SPAG16: variants seen among roughly 807,000 people sequenced by gnomAD.
The protein encoded by SPAG16 is sperm associated antigen 16, also known as sperm-associated antigen 16 protein.
In SPAG16, 86 loss-of-function variants were observed where a neutral mutation model predicts 80.4. The observed-to-expected ratio is 1.07, with a 90% confidence interval of 0.90 to 1.28. The LOEUF (loss-of-function observed/expected upper bound fraction) is 1.28. Ranked by LOEUF, SPAG16 falls within the 50% of genes most tolerant of loss-of-function variation. SPAG16 has a pLI of 0.00. For synonymous variants in SPAG16, 294 were observed against 265.9 expected (o/e 1.11, Z -1.03); for missense variants, 870 against 765.3 (o/e 1.14, Z -1.61).
intron 15 of SPAG16, among the ~76,000 whole-genome samples, chr2:214,175,296 TAA>T (rs1162258735): frequency 4.3e-5 from 3 of 69,034 alleles, no homozygotes; most frequent in Non-Finnish European, 1.4e-4. Flanking sequence ...TGTATATATA[TAA>T]AGAAATATAT....
At chr2:213,636,857 G>A (rs2062382204) in intron 10 of SPAG16, among the ~76,000 whole-genome samples, 2 of 152,160 alleles carry the variant, frequency 1.3e-5, no homozygotes, top group South Asian at 4.1e-4. Context: ...CTTTTTGGAT[G>A]AGTGTTTAGG....
chr2:214,013,033 T>A (rs1262831557), intron 12 of SPAG16, among the ~76,000 whole-genome samples: 6 of 152,078 alleles, frequency 3.9e-5, no homozygotes, highest in African/African-American at 9.7e-5. Flanking sequence ...GGGTAAAAAA[T>A]TTTAAAAACC....
intron 10 of SPAG16, among the ~76,000 whole-genome samples, chr2:213,596,754 T>C (rs539393009): frequency 1.3e-5 from 2 of 152,242 alleles, no homozygotes; most frequent in East Asian, 3.9e-4. Flanking sequence ...TATACACCAA[T>C]TGTAGAGACA....
chr2:213,776,498 A>G (rs1014038354), intron 10 of SPAG16, among the ~76,000 whole-genome samples: 3 of 152,232 alleles, frequency 2.0e-5, no homozygotes, highest in African/African-American at 7.2e-5. Flanking sequence ...GTGGAAGATA[A>G]CAAATCTGTG....
intron 10 of SPAG16, among the ~76,000 whole-genome samples, chr2:213,857,758 G>T (rs2075239055): frequency 6.6e-6 from 1 of 152,192 alleles, no homozygotes. Context: ...GGCTATAGCT[G>T]CCATAGACAG....
intron 15 of SPAG16, among the ~76,000 whole-genome samples, chr2:214,187,003 A>G (rs1177010999): frequency 6.6e-6 from 1 of 152,106 alleles, no homozygotes; most frequent in Non-Finnish European, 1.5e-5. Flanking sequence ...ACCTTAGGTG[A>G]TCCACCCACC....
chr2:214,382,089 A>G (rs1158265015), intron 15 of SPAG16, among the ~76,000 whole-genome samples: 3 of 152,254 alleles, frequency 2.0e-5, no homozygotes, highest in African/African-American at 7.2e-5. Flanking sequence ...CAACAGAATC[A>G]TTGAATACCC....
At chr2:213,652,841 A>G (rs1026085794) in intron 10 of SPAG16, among the ~76,000 whole-genome samples, 8 of 152,212 alleles carry the variant, frequency 5.3e-5, no homozygotes, top group Admixed American at 1.3e-4. Context: ...GGTCTTTTTA[A>G]TCTTGATTAA....
At chr2:213,405,034 C>T (rs1268507578) in intron 9 of SPAG16, among the ~76,000 whole-genome samples, 3 of 152,170 alleles carry the variant, frequency 2.0e-5, no homozygotes, top group Non-Finnish European at 4.4e-5. Flanking sequence ...TTGCTAGCTC[C>T]TATACAGTTA....
chr2:213,800,601 T>C (rs2125636241), intron 10 of SPAG16, among the ~76,000 whole-genome samples: 1 of 152,302 alleles, frequency 6.6e-6, no homozygotes, highest in Admixed American at 6.5e-5. Context: ...CATTTATTCT[T>C]CCTATGTTTT....
chr2:214,167,705 AATC>A (rs985357761), intron 15 of SPAG16, among the ~76,000 whole-genome samples: 4 of 152,090 alleles, frequency 2.6e-5, no homozygotes, highest in Non-Finnish European at 4.4e-5. Context: ...GTAAAAGAAA[AATC>A]ATGAAATCAT....
chr2:213,565,363 AC>A (rs2059725776), intron 10 of SPAG16, among the ~76,000 whole-genome samples: 1 of 152,260 alleles, frequency 6.6e-6, no homozygotes, highest in South Asian at 2.1e-4. Flanking sequence ...CTCAATATAG[AC>A]TTTTGCTTCC....
chr2:214,098,336 G>A (rs2052748501), intron 13 of SPAG16, among the ~76,000 whole-genome samples: 1 of 152,000 alleles, frequency 6.6e-6, no homozygotes, highest in Non-Finnish European at 1.5e-5. Context: ...ATATGTTGAT[G>A]TCTTAATCCT....
intron 10 of SPAG16, among the ~76,000 whole-genome samples, chr2:213,585,599 G>C (rs1439811679): frequency 6.6e-6 from 1 of 152,024 alleles, no homozygotes; most frequent in Non-Finnish European, 1.5e-5. Context: ...AAGTATAAAG[G>C]CTTTGTTTTA....
At chr2:213,760,540 G>A (rs746031389) in intron 10 of SPAG16, among the ~76,000 whole-genome samples, 20 of 150,364 alleles carry the variant, frequency 1.3e-4, no homozygotes, top group Non-Finnish European at 1.0e-4. Flanking sequence ...ATAAGAAAAT[G>A]CAATACATTA....
chr2:213,292,925 A>G (rs2062353320), intron 1 of SPAG16, among the ~76,000 whole-genome samples: 1 of 152,130 alleles, frequency 6.6e-6, no homozygotes, highest in Non-Finnish European at 1.5e-5. Context: ...GACTCTTAAC[A>G]TTCTTATAGT....
intron 10 of SPAG16, among the ~76,000 whole-genome samples, chr2:213,641,439 G>C (rs2062585119): frequency 6.6e-6 from 1 of 152,160 alleles, no homozygotes; most frequent in South Asian, 2.1e-4. Flanking sequence ...CTTTGCATTT[G>C]CTCCCCAGAC....
chr2:213,351,963 G>C (rs969019823), intron 7 of SPAG16, among the ~76,000 whole-genome samples: 13 of 152,156 alleles, frequency 8.5e-5, no homozygotes, highest in African/African-American at 3.1e-4. Context: ...TGAATCATGG[G>C]GGTGGTTTCT....
In SPAG16 at chr2:214,179,561, T is replaced by C. The variant is rs546648039; in HGVS notation, c.1720+30295T>C. Among the ~76,000 whole-genome samples the C allele has an allele frequency of 3.3e-5, 5 of 151,566 alleles. No homozygotes were observed. The South Asian group carries it at 1.0e-3, about 31-fold the overall frequency. Reference sequence around the variant, plus strand: ...ATGGTCTCTCCTGTCTTCATTTCTTTCTGTTTTCTAAACTGGGTTGCTTTT... The same window carrying C: ...ATGGTCTCTCCTGTCTTCATTTCTTCCTGTTTTCTAAACTGGGTTGCTTTT... On this transcript the variant is annotated intron_variant, in intron 15 of 15. Coordinates refer to ENST00000331683, the MANE Select transcript of SPAG16 (RefSeq NM_024532.5).
Sources: gnomAD v4.1 joint callset for allele counts (sites outside exome capture counted in the v4.1 genomes callset) on GRCh38, gnomAD v4.1.1 for gene constraint, MANE v1.5 for transcripts, NCBI Gene and HGNC (gene_info 2026-07-23, HGNC 2026-07-21) for gene names.